The following TBC1D22A variants were observed in gnomAD, a reference collection of about 807,000 sequenced individuals.
The protein encoded by TBC1D22A is putative GTPase activator.
TBC1D22A carries 38 observed loss-of-function variants against 60.2 expected under a neutral mutation model. That is an observed-to-expected ratio of 0.63 (90% CI 0.49 to 0.83). TBC1D22A has a LOEUF of 0.83. Among genes scored for constraint, TBC1D22A ranks in the 40% least tolerant of loss-of-function variants. TBC1D22A has a pLI of 0.00. For missense variants in TBC1D22A, 628 were observed against 701.0 expected, an observed-to-expected ratio of 0.90 and a Z score of 1.18; for synonymous variants, 302 against 281.7, an observed-to-expected ratio of 1.07 and a Z score of -0.72.
At chr22:46,885,946 C>T (rs987835324) in intron 5 of TBC1D22A, among the ~76,000 whole-genome samples, 45 of 146,130 alleles carry the variant, frequency 3.1e-4, no homozygotes, top group African/African-American at 1.0e-3. Flanking sequence ...CTCACTCTGT[C>T]GCCCAGGCTG....
intron 10 of TBC1D22A, among the ~76,000 whole-genome samples, chr22:47,018,450 C>T (rs1221208499): frequency 6.6e-6 from 1 of 152,210 alleles, no homozygotes; most frequent in Admixed American, 6.5e-5. Flanking sequence ...GGCTAGACTG[C>T]TTTTAATTTA....
At chr22:46,848,009 T>C (rs1232565504) in intron 4 of TBC1D22A, among the ~76,000 whole-genome samples, 5 of 152,034 alleles carry the variant, frequency 3.3e-5, no homozygotes, top group African/African-American at 4.8e-5. Flanking sequence ...CTGCAAACAC[T>C]TCTTGAGCAG....
At chr22:47,165,932 C>CG (rs2068192437) in intron 12 of TBC1D22A, among the ~76,000 whole-genome samples, 1 of 152,202 alleles carries the variant, frequency 6.6e-6, no homozygotes, top group Non-Finnish European at 1.5e-5. Flanking sequence ...CCCTGCTCCC[C>CG]GCGTCGCATG....
chr22:47,149,665 G>A (rs1001139072), intron 12 of TBC1D22A, among the ~76,000 whole-genome samples: 1 of 145,580 alleles, frequency 6.9e-6, no homozygotes, highest in Non-Finnish European at 1.5e-5. Flanking sequence ...CAGGGCTGCA[G>A]GGAGGTACCC....
chr22:47,126,388 C>T (rs1477458060), intron 12 of TBC1D22A, among the ~76,000 whole-genome samples: 1 of 152,196 alleles, frequency 6.6e-6, no homozygotes, highest in Non-Finnish European at 1.5e-5. Context: ...CTGTAAACAG[C>T]ATTGGAGGTG....
rs571717838 is a variant in TBC1D22A at position 47,013,171 on chromosome 22, G to T, written c.1201+15462G>T. Among the ~76,000 whole-genome samples, 51 of 152,312 alleles carry T rather than the reference G, an allele frequency of 3.3e-4. No individual in the cohort carries two copies. The South Asian group carries it at 6.0e-3, about 18-fold the overall frequency. ...TCCCAGGATCTTTGAGGTGCTGGGA[G>T]TGGGAACAGCCAAATTGCGGTTAGC... On this transcript the variant is annotated intron_variant, in intron 10 of 12. Transcript: ENST00000337137.
intron 11 of TBC1D22A, among the ~76,000 whole-genome samples, chr22:47,051,546 T>G (rs1603179671): frequency 6.6e-6 from 1 of 152,276 alleles, no homozygotes; most frequent in East Asian, 1.9e-4. Flanking sequence ...CAAAACGCCC[T>G]TCCGGTGGAG....
At chr22:47,054,535 A>G (rs1406304932) in intron 11 of TBC1D22A, among the ~76,000 whole-genome samples, 3 of 152,148 alleles carry the variant, frequency 2.0e-5, no homozygotes, top group African/African-American at 7.2e-5. Context: ...TGGCCTCGCC[A>G]TGTCCATCTG....
Position 47,156,315 on chromosome 22 carries a change from G to T in TBC1D22A, c.1426-17183G>T, listed in dbSNP as rs1039745876. On this transcript the variant is annotated intron_variant, in intron 12 of 12. Transcript: ENST00000337137. ...AGGGCCAAGTAGGGACACATTTAGTGGGGACAGCCCCTGTAACCCTCTCCG... is the reference window on the plus strand; with the variant it reads ...AGGGCCAAGTAGGGACACATTTAGTTGGGACAGCCCCTGTAACCCTCTCCG... Among the ~76,000 whole-genome samples, 4 of 152,212 alleles carry T rather than the reference G, an allele frequency of 2.6e-5. No individual in the cohort carries two copies. The East Asian group carries it at 7.7e-4, about 29-fold the overall frequency.
chr22:46,786,272 T>C (rs2084156655), intron 1 of TBC1D22A, among the ~76,000 whole-genome samples: 1 of 152,268 alleles, frequency 6.6e-6, no homozygotes, highest in African/African-American at 2.4e-5. Context: ...TAGATGATCA[T>C]GTGGTTTTTG....
intron 5 of TBC1D22A, among the ~76,000 whole-genome samples, chr22:46,890,197 G>T (rs2068325016): frequency 6.6e-6 from 1 of 152,080 alleles, no homozygotes; most frequent in Non-Finnish European, 1.5e-5. Context: ...AATTTAGCTG[G>T]GCGTGGTGGC....
At chr22:47,163,806 G>T (rs5767553) in intron 12 of TBC1D22A, among the ~76,000 whole-genome samples, 59,213 of 152,088 alleles carry the variant, frequency 0.39, 12,991 homozygotes, top group East Asian at 0.68. Context: ...GCACCACGGG[G>T]TCGTTTCCTC....
chr22:47,156,058 A>G (rs2067705262), intron 12 of TBC1D22A, among the ~76,000 whole-genome samples: 1 of 152,056 alleles, frequency 6.6e-6, no homozygotes, highest in East Asian at 1.9e-4. Flanking sequence ...CCTGCTGGTG[A>G]GCCCCCTCCC....
chr22:46,904,130 TCTATCTATCTATCTACCTACCTAC>T (rs1321814231), intron 7 of TBC1D22A, among the ~76,000 whole-genome samples: 20 of 96,782 alleles, frequency 2.1e-4, no homozygotes, highest in South Asian at 1.5e-3. Flanking sequence ...TATCTATCTA[TCTATCTATCTATCTACCTACCTAC>T]CTACCTACCT....
chr22:47,083,624 A>G (rs764564413), intron 11 of TBC1D22A, among the ~76,000 whole-genome samples: 2 of 152,090 alleles, frequency 1.3e-5, no homozygotes, highest in African/African-American at 4.8e-5. Flanking sequence ...GAGGCTCCTT[A>G]CCCTTGTGCT....
intron 12 of TBC1D22A, among the ~76,000 whole-genome samples, chr22:47,144,003 G>A (rs988819787): frequency 6.6e-6 from 1 of 152,240 alleles, no homozygotes; most frequent in Non-Finnish European, 1.5e-5. Flanking sequence ...CAAGCCTTTA[G>A]TTGGTGATGT....
In TBC1D22A at chr22:46,797,588, A is replaced by C; in HGVS notation, c.605A>C (p.Lys202Thr). Residue 202 changes from lysine to threonine, a missense_variant, in exon 4 of 13, where the codon AAG (lysine) becomes ACG (threonine). Coordinates refer to ENST00000337137, the MANE Select transcript of TBC1D22A (RefSeq NM_014346.5). Reference protein sequence around the residue: ...EREASRLDKFKQLLAGPNTDL... With the variant: ...EREASRLDKFTQLLAGPNTDL... Reference sequence around the variant, plus strand: ...GAGGCCTCCCGGCTCGACAAGTTCAAGCAGCTGCTTGCCGGCCCCAACACG... The same window carrying C: ...GAGGCCTCCCGGCTCGACAAGTTCACGCAGCTGCTTGCCGGCCCCAACACG... 1.2e-6 allele frequency: 2 copies of C among 1,610,904 alleles called. No individual in the cohort carries two copies. The highest frequency in any genetic ancestry group is 2.2e-5 in the South Asian group (2 of 90,976).
intron 4 of TBC1D22A, among the ~76,000 whole-genome samples, chr22:46,875,575 C>A (rs534249805): frequency 6.6e-6 from 1 of 152,168 alleles, no homozygotes; most frequent in South Asian, 2.1e-4. Flanking sequence ...TCTTAGCCTC[C>A]CCAGTAGCTG....
intron 8 of TBC1D22A, among the ~76,000 whole-genome samples, chr22:46,951,718 C>T (rs988239928): frequency 1.3e-5 from 2 of 152,202 alleles, no homozygotes; most frequent in Non-Finnish European, 2.9e-5. Context: ...CTTTCAGATC[C>T]ATGCAAAATT....
Sources: allele counts gnomAD v4.1 joint callset (sites outside exome capture counted in the v4.1 genomes callset), GRCh38; gene constraint gnomAD v4.1.1; transcripts MANE v1.5; gene names NCBI Gene and HGNC (gene_info 2026-07-23, HGNC 2026-07-21).